Variants in CNTNAP4 observed in about 807,000 individuals in gnomAD.
CNTNAP4 encodes the protein contactin-associated protein-like 4.
In CNTNAP4, 98 loss-of-function variants were observed where a neutral mutation model predicts 148.4. The observed-to-expected ratio is 0.66, with a 90% CI of 0.56 to 0.78. The LOEUF is 0.78. Among genes scored for constraint, CNTNAP4 ranks in the 30% least tolerant of loss-of-function variants. The probability of loss-of-function intolerance (pLI) is 0.00; values close to 1 mark genes in which losing one functional copy is unlikely to be tolerated. For missense variants in CNTNAP4, 1,935 were observed against 1,565.6 expected, an observed-to-expected ratio of 1.24 and a Z score of -3.98; for synonymous variants, 730 against 565.1, an observed-to-expected ratio of 1.29 and a Z score of -4.14.
intron 3 of CNTNAP4, among the ~76,000 whole-genome samples, chr16:76,409,342 G>A (rs763974462): frequency 2.0e-5 from 3 of 151,820 alleles, no homozygotes; most frequent in Non-Finnish European, 2.9e-5. Flanking sequence ...TTTAAAGTAC[G>A]TATACAGCAT....
chr16:76,461,241 A>G (rs538141874), intron 8 of CNTNAP4, among the ~76,000 whole-genome samples: 1 of 152,288 alleles, frequency 6.6e-6, no homozygotes, highest in Non-Finnish European at 1.5e-5. Flanking sequence ...ACAGTATGAG[A>G]GCTACAGCAA....
At chr16:76,461,186 T>C (rs1055514310) in intron 8 of CNTNAP4, among the ~76,000 whole-genome samples, 4 of 152,028 alleles carry the variant, frequency 2.6e-5, no homozygotes, top group African/African-American at 9.7e-5. Context: ...CTTTAAACAG[T>C]GAAATCACAA....
intron 3 of CNTNAP4, among the ~76,000 whole-genome samples, chr16:76,401,972 G>A (rs8056980): frequency 0.11 from 16,174 of 152,126 alleles, 2,312 homozygotes; most frequent in African/African-American, 0.33. Context: ...TTTTGTATCA[G>A]TGTTCATCAA....
At chr16:76,477,350 T>C (rs2081624484) in intron 11 of CNTNAP4, among the ~76,000 whole-genome samples, 1 of 152,196 alleles carries the variant, frequency 6.6e-6, no homozygotes, top group Admixed American at 6.5e-5. Flanking sequence ...TACTGACATT[T>C]CTGAGCAACT....
chr16:76,469,545 A>G (rs778678343), intron 10 of CNTNAP4: 7 of 152,210 alleles, frequency 4.6e-5, no homozygotes, highest in Non-Finnish European at 1.0e-4. Flanking sequence ...ATTATCTCAG[A>G]TTGCTGAACA....
intron 4 of CNTNAP4, among the ~76,000 whole-genome samples, chr16:76,436,126 C>A (rs753389466): frequency 5.9e-5 from 9 of 152,196 alleles, no homozygotes; most frequent in Middle Eastern, 3.4e-3. Context: ...TCAACATTAT[C>A]TCTCCTGGCA....
At chr16:76,519,153 A>G (rs990741433) in intron 15 of CNTNAP4, among the ~76,000 whole-genome samples, 1 of 152,172 alleles carries the variant, frequency 6.6e-6, no homozygotes, top group Non-Finnish European at 1.5e-5. Flanking sequence ...ATTAGCAGCA[A>G]TTTCTTAACC....
At chr16:76,484,828 T>G (rs1275103063) in intron 12 of CNTNAP4, among the ~76,000 whole-genome samples, 1 of 152,218 alleles carries the variant, frequency 6.6e-6, no homozygotes, top group East Asian at 1.9e-4. Context: ...GTATAATGAC[T>G]GCTGAAAATA....
chr16:76,506,461 G>C (rs1480326231), intron 15 of CNTNAP4, among the ~76,000 whole-genome samples: 22 of 47,820 alleles, frequency 4.6e-4, no homozygotes, highest in East Asian at 1.4e-3. Flanking sequence ...CTCCCCTTCC[G>C]CTTCTCTTCC....
chr16:76,534,310 C>G (rs1417061903), intron 17 of CNTNAP4, among the ~76,000 whole-genome samples: 1 of 152,114 alleles, frequency 6.6e-6, no homozygotes, highest in Non-Finnish European at 1.5e-5. Flanking sequence ...TGAATGAAGG[C>G]TAGGTTAAGG....
At chr16:76,556,521 G>A (rs558795163) in intron 23 of CNTNAP4, among the ~76,000 whole-genome samples, 7 of 151,876 alleles carry the variant, frequency 4.6e-5, no homozygotes, top group Admixed American at 3.3e-4. Context: ...ATTCTGTCTC[G>A]GCCAATGTAA....
chr16:76,375,016 G>T (rs887695931), intron 3 of CNTNAP4, among the ~76,000 whole-genome samples: 4 of 151,790 alleles, frequency 2.6e-5, no homozygotes, highest in African/African-American at 4.8e-5. Flanking sequence ...TGATCTGCCC[G>T]CCTTGGCCTC....
intron 14 of CNTNAP4, among the ~76,000 whole-genome samples, chr16:76,498,003 A>G (rs61049916): frequency 0.032 from 4,899 of 152,338 alleles, 115 homozygotes; most frequent in African/African-American, 0.071. Flanking sequence ...AAAATTGTCC[A>G]TTGAATTAAA....
chr16:76,325,748 A>G (rs1481681656), intron 2 of CNTNAP4, among the ~76,000 whole-genome samples: 1 of 152,186 alleles, frequency 6.6e-6, no homozygotes, highest in African/African-American at 2.4e-5. Flanking sequence ...TAAGCCAAAA[A>G]TAAGCAAAAG....
chr16:76,456,331 C>T (rs372662059), intron 8 of CNTNAP4, among the ~76,000 whole-genome samples: 5 of 152,100 alleles, frequency 3.3e-5, no homozygotes, highest in Admixed American at 1.3e-4. Flanking sequence ...AATGCTGTCA[C>T]GAAGTGAGGG....
chr16:76,342,840 A>G (rs1367611522), intron 2 of CNTNAP4, among the ~76,000 whole-genome samples: 1 of 152,220 alleles, frequency 6.6e-6, no homozygotes, highest in African/African-American at 2.4e-5. Context: ...TTTTCAGAAA[A>G]CAGATATAAT....
In CNTNAP4 at chr16:76,374,362, C is replaced by T. The variant is rs181977020; in HGVS notation, c.390+18851C>T. On this transcript the variant is annotated intron_variant, in intron 3 of 23. Transcript: ENST00000611870. The stretch of plus-strand genomic sequence containing the variant: ...GAAAATTATCCCAAGAGCTACAAAG[C>T]GATTATGTTACTAATTCCATCTTTG... Among the ~76,000 whole-genome samples, 7 of 152,188 alleles carry T rather than the reference C, an allele frequency of 4.6e-5. No individual in the cohort carries two copies. The East Asian group carries it at 1.2e-3, about 25-fold the overall frequency.
At chr16:76,428,567 T>C (rs559879241) in intron 4 of CNTNAP4, among the ~76,000 whole-genome samples, 2 of 152,202 alleles carry the variant, frequency 1.3e-5, no homozygotes, top group Admixed American at 1.3e-4. Flanking sequence ...ATCAAGTGAC[T>C]TGTTGAAGTT....
chr16:76,334,849 TC>T, intron 2 of CNTNAP4, among the ~76,000 whole-genome samples: 1 of 152,160 alleles, frequency 6.6e-6, no homozygotes, highest in Admixed American at 6.5e-5. Context: ...TTAATTCTGC[TC>T]CTGCCTAGAT....
Sources: allele counts gnomAD v4.1 joint callset (sites outside exome capture counted in the v4.1 genomes callset), GRCh38; gene constraint gnomAD v4.1.1; transcripts MANE v1.5; gene names NCBI Gene and HGNC (gene_info 2026-07-23, HGNC 2026-07-21).